RPS6KA1: variants seen among roughly 807,000 people sequenced by gnomAD.
The protein encoded by RPS6KA1 is ribosomal protein S6 kinase A1, also known as ribosomal protein S6 kinase alpha-1.
A neutral mutation model predicts 91.3 loss-of-function variants in RPS6KA1; 48 were observed. The ratio of observed to expected loss-of-function variants is 0.53; its 90% CI spans 0.42 to 0.67. The LOEUF is 0.67. Ranked by LOEUF, RPS6KA1 falls within the 30% of genes least tolerant of loss-of-function variation. The probability of loss-of-function intolerance (pLI) is 0.00; values close to 1 mark genes in which losing one functional copy is unlikely to be tolerated. For synonymous variants in RPS6KA1, 359 were observed against 384.7 expected (o/e 0.93, Z 0.78); for missense variants, 719 against 960.5 (o/e 0.75, Z 3.32).
At position 26,554,134 on chromosome 1, in the gene RPS6KA1, C is replaced by T; in HGVS notation, c.576-80C>T. 6.8e-7 allele frequency: 1 copy of T among 1,466,048 alleles called. No homozygotes were observed. Among genetic ancestry groups the T allele is most frequent in the East Asian group, 2.5e-5 (1 of 40,182 alleles). The allele number at this position is 1,466,048 out of a possible 1,614,324, so 90.8% of individuals were successfully genotyped here. On this transcript the variant is annotated intron_variant, in intron 7 of 21. Coordinates refer to ENST00000374168, the MANE Select transcript of RPS6KA1 (RefSeq NM_002953.4). This position sits in a 1 kb window ranked among gnomAD's most constrained non-coding sequence, Gnocchi z 4.6. Reference sequence around the variant, plus strand: ...TGGAGCACCTCCTCTGGGCTGAACCCAACTCCCACAGCCCTGTGGTAACAC... The same window carrying T: ...TGGAGCACCTCCTCTGGGCTGAACCTAACTCCCACAGCCCTGTGGTAACAC...
At position 26,540,296 on chromosome 1, in the gene RPS6KA1, C is replaced by G. The variant is rs2075937299; in HGVS notation, c.108+3327C>G. On this transcript the variant is annotated intron_variant, in intron 2 of 21. Transcript: ENST00000374168. The surrounding 1 kb of genome is among the most constrained non-coding windows in gnomAD (Gnocchi z 4.2). Reference sequence around the variant, plus strand: ...GGAAACCGAGGTTCAGACAGGGAAACAGATTTGCCCGGGAGCACCCAGCTA... The same window carrying G: ...GGAAACCGAGGTTCAGACAGGGAAAGAGATTTGCCCGGGAGCACCCAGCTA... Among the ~76,000 whole-genome samples, 1 of 152,210 alleles carries G rather than the reference C, an allele frequency of 6.6e-6. No homozygotes were observed. The highest frequency in any genetic ancestry group is 1.5e-5 in the Non-Finnish European group (1 of 68,044).
chr1:26,543,168 A>C, intron 2 of RPS6KA1: 1 of 1,535,602 alleles, frequency 6.5e-7, no homozygotes. Context: ...CACCATGCAG[A>C]CCCCAGCAGA....
At chr1:26,562,175 GCCTGGGC>G (rs1449186992) in intron 17 of RPS6KA1, among the ~76,000 whole-genome samples, 2 of 152,154 alleles carry the variant, frequency 1.3e-5, no homozygotes, top group Non-Finnish European at 2.9e-5. Flanking sequence ...TTGCACTACA[GCCTGGGC>G]AACAGAGCGA....
intron 2 of RPS6KA1, among the ~76,000 whole-genome samples, chr1:26,545,337 T>TG (rs1281971911): frequency 1.4e-5 from 2 of 148,108 alleles, no homozygotes; most frequent in Non-Finnish European, 3.0e-5. Flanking sequence ...CCTGGCCAAT[T>TG]TTTTTTTTTT....
chr1:26,564,656 G>A (rs2076183582), intron 17 of RPS6KA1, among the ~76,000 whole-genome samples: 1 of 152,148 alleles, frequency 6.6e-6, no homozygotes, highest in Non-Finnish European at 1.5e-5. Context: ...TCTTGCATGA[G>A]TCGAGTATTT....
At chr1:26,530,076 G>A in intron 1 of RPS6KA1, 93 bp downstream of exon 1, 4 of 900,668 alleles carry the variant, frequency 4.4e-6, no homozygotes, top group Non-Finnish European at 5.7e-6. Context: ...GCAGTCCGGC[G>A]GGCGCCCGCG....
Position 26,574,128 on chromosome 1 carries a change from C to T in RPS6KA1, c.2135C>T (p.Pro712Leu). The T allele has an allele frequency of 1.9e-6, 3 of 1,614,164 alleles. No individual in the cohort carries two copies. The South Asian group carries it at 3.3e-5, about 18-fold the overall frequency. ...YSALNSSKPT[P>L]QLKPIESSIL... The stretch of plus-strand genomic sequence containing the variant: ...GCACTCAACAGCTCCAAGCCCACCC[C>T]CCAGCTGAAGCCCATCGAGTCATCC... The change falls in exon 22 of 22, where the codon CCC becomes CTC. Residue 712 changes from proline to leucine, a missense_variant. This residue lies in a region of RPS6KA1 where 249 missense variants were observed against 323.1 expected (regional missense o/e 0.77). Coordinates refer to ENST00000374168, the MANE Select transcript of RPS6KA1 (RefSeq NM_002953.4). The surrounding 1 kb of genome is among the most constrained non-coding windows in gnomAD (Gnocchi z 4.3).
chr1:26,542,991 A>C, intron 2 of RPS6KA1: 1 of 653,722 alleles, frequency 1.5e-6, no homozygotes, highest in South Asian at 2.0e-5. Flanking sequence ...TGGGGTCTGC[A>C]GTGTCCCCTC....
intron 6 of RPS6KA1, among the ~76,000 whole-genome samples, chr1:26,552,110 C>G (rs748746254): frequency 3.3e-5 from 5 of 152,190 alleles, no homozygotes; most frequent in Admixed American, 6.5e-5. Flanking sequence ...GGATTTGAGG[C>G]TGGGCGCAGC....
chr1:26,574,283 A>G lies in RPS6KA1; in HGVS notation c.*82A>G, dbSNP rs2076277382. ...CCCAGAGGGAGCAGGCCGGAACCAC[A>G]GGGCCAGAGGGAGCTGGAACCCGAG... is the stretch of plus-strand genomic sequence containing the variant. On this transcript the variant is annotated 3_prime_UTR_variant, in exon 22 of 22. Coordinates refer to ENST00000374168, the MANE Select transcript of RPS6KA1 (RefSeq NM_002953.4). This position sits in a 1 kb window ranked among gnomAD's most constrained non-coding sequence, Gnocchi z 4.3. 1 of 1,560,660 alleles carries G rather than the reference A, an allele frequency of 6.4e-7. No homozygotes were observed. Among genetic ancestry groups the G allele is most frequent in the Non-Finnish European group, 8.8e-7 (1 of 1,131,888 alleles).
In RPS6KA1 at chr1:26,551,555, G is replaced by A. The variant is rs1570438385; in HGVS notation, c.388+78G>A. ...CCTGTGGTCTGTACACTGTCCCACC[G>A]CCTGCCTGGCAGGCCAAGGGAGCCA... On this transcript the variant is annotated intron_variant, in intron 5 of 21. Coordinates refer to ENST00000374168, the MANE Select transcript of RPS6KA1 (RefSeq NM_002953.4). This position sits in a 1 kb window ranked among gnomAD's most constrained non-coding sequence, Gnocchi z 4.5. 7 of 1,598,750 alleles carry A rather than the reference G, an allele frequency of 4.4e-6. No individual in the cohort carries two copies. Among genetic ancestry groups the A allele is most frequent in the South Asian group, 1.1e-5 (1 of 90,724 alleles).
At chr1:26,530,081 C>T in intron 1 of RPS6KA1, 98 bp downstream of exon 1, 1 of 801,882 alleles carries the variant, frequency 1.2e-6, no homozygotes, top group Non-Finnish European at 1.7e-6. Flanking sequence ...CCGGCGGGCG[C>T]CCGCGAGGGC....
chr1:26,574,756 A>ACCACC lies in RPS6KA1; in HGVS notation c.*555_*556insCCACC. The ACCACC allele has an allele frequency of 2.8e-5, 8 of 283,374 alleles. No homozygotes were observed. Among genetic ancestry groups the ACCACC allele is most frequent in the Admixed American group, 9.8e-5 (2 of 20,458 alleles). The allele number at this position is 283,374 out of a possible 1,614,324, so 17.6% of individuals were successfully genotyped here. ...TTCTAGAACCACTTCCTGCTACAGG[A>ACCACC]GGGGTCTCATGTCCTGCTGGCTTCC... On this transcript the variant is annotated 3_prime_UTR_variant, in exon 22 of 22. Transcript: ENST00000374168. The surrounding 1 kb of genome is among the most constrained non-coding windows in gnomAD (Gnocchi z 4.3).
intron 1 of RPS6KA1, chr1:26,531,032 G>A: frequency 1.7e-6 from 1 of 577,878 alleles, no homozygotes. Context: ...CCCCTCCTCT[G>A]CCCTCTCTTA....
At chr1:26,552,994 A>C (rs2076066604) in intron 6 of RPS6KA1, 1 of 274,414 alleles carries the variant, frequency 3.6e-6, no homozygotes, top group East Asian at 1.2e-4. Flanking sequence ...CTTATGTAAA[A>C]AGTACTATTC....
rs2076053886 is a variant in RPS6KA1, at chr1:26,551,879, C to T, written c.468+156C>T. 1.3e-5 allele frequency among the ~76,000 whole-genome samples: 2 copies of T among 152,290 alleles called. No homozygotes were observed. The highest frequency in any genetic ancestry group is 4.1e-4 in the South Asian group (2 of 4,826). ...CCCCTGGCCCAGGAAATACCACGCA[C>T]CCTGGAATGGAGGCCATACGCTGGC... On this transcript the variant is annotated intron_variant, in intron 6 of 21. Coordinates refer to ENST00000374168, the MANE Select transcript of RPS6KA1 (RefSeq NM_002953.4). This position sits in a 1 kb window ranked among gnomAD's most constrained non-coding sequence, Gnocchi z 4.5.
intron 1 of RPS6KA1, among the ~76,000 whole-genome samples, chr1:26,534,386 G>T (rs890677832): frequency 1.3e-5 from 2 of 152,158 alleles, no homozygotes; most frequent in Non-Finnish European, 2.9e-5. Flanking sequence ...GGTTATGGGG[G>T]TAGAGAGGAG....
At chr1:26,557,135 G>A (rs1235100265) in intron 13 of RPS6KA1, 35 bp downstream of exon 13, 2 of 1,548,888 alleles carry the variant, frequency 1.3e-6, no homozygotes, top group Non-Finnish European at 1.8e-6. Context: ...GTCTTGGGCT[G>A]GTACAGGAGG....
rs1007574408 is a variant in RPS6KA1, at chr1:26,560,726, C to A, written c.1216C>A (p.Gln406Lys). Residue 406 changes from glutamine (Q) to lysine (K), a missense_variant and splice_region_variant, in exon 15 of 22, where the codon CAA becomes AAA. Physicochemically the swap from Gln to Lys is moderately conservative, Grantham distance 53. Coordinates refer to ENST00000374168, the MANE Select transcript of RPS6KA1 (RefSeq NM_002953.4). ...AGCCACAATTTTTGGTCTCCTACAG[C>A]AACTCCATGGGAAGAACCTGGTTTT... is the stretch of plus-strand genomic sequence containing the variant. ...PQAPLHSVVQQLHGKNLVFSD... is the reference protein window; with the variant it reads ...PQAPLHSVVQKLHGKNLVFSD... The A allele has an allele frequency of 1.9e-6, 3 of 1,614,082 alleles. No individual in the cohort carries two copies. The African/African-American group carries it at 4.0e-5, about 22-fold the overall frequency.
Sources: gnomAD v4.1 joint callset for allele counts (sites outside exome capture counted in the v4.1 genomes callset) on GRCh38, gnomAD v4.1.1 for gene constraint, gnomAD v4.1.1 regional missense constraint, Gnocchi (gnomAD v3.1) non-coding constraint, MANE v1.5 for transcripts, NCBI Gene and HGNC (gene_info 2026-07-23, HGNC 2026-07-21) for gene names.